The following ULK4 variants were observed in gnomAD, a reference collection of about 807,000 sequenced individuals.
ULK4 encodes unc-51 like kinase 4.
Under a neutral mutation model 160.6 loss-of-function variants are expected in ULK4, and 133 were observed. The observed-to-expected ratio is 0.83, with a 90% CI of 0.72 to 0.96. The LOEUF (loss-of-function observed/expected upper bound fraction) is 0.96, where lower values mean the gene tolerates loss of function less well. ULK4 is among the 40% of genes least tolerant of loss of function. ULK4 has a pLI of 0.00. For synonymous variants in ULK4, 534 were observed against 539.8 expected, an observed-to-expected ratio of 0.99 and a Z score of 0.15; for missense variants, 1,580 against 1,499.5, an observed-to-expected ratio of 1.05 and a Z score of -0.89.
chr3:41,783,500 C>T (rs572789385), intron 21 of ULK4, among the ~76,000 whole-genome samples: 8 of 151,380 alleles, frequency 5.3e-5, no homozygotes, highest in African/African-American at 1.7e-4. Context: ...CATGCCACTA[C>T]GCTCCAGCCT....
In ULK4 at chr3:41,581,611, A is replaced by G. The variant is rs541526238; in HGVS notation, c.3121-15481T>C. On this transcript the variant is annotated intron_variant, in intron 31 of 36. Coordinates refer to ENST00000301831, the MANE Select transcript of ULK4 (RefSeq NM_017886.4). ...ACAATTGAATGTCATTTCTTTGACA[A>G]TCTATATGAACAGCAGGCTAGGCCA... 2.1e-3 allele frequency among the ~76,000 whole-genome samples: 313 copies of G among 152,336 alleles called. 3 individuals carry two copies. The highest frequency in any genetic ancestry group is 0.01 in the South Asian group (49 of 4,826).
At chr3:41,521,256 T>A (rs1314460943) in intron 32 of ULK4, among the ~76,000 whole-genome samples, 1 of 152,164 alleles carries the variant, frequency 6.6e-6, no homozygotes, top group Non-Finnish European at 1.5e-5. Flanking sequence ...CAGTCCTCTG[T>A]CAGTAGGTTC....
intron 17 of ULK4, among the ~76,000 whole-genome samples, chr3:41,866,246 T>C (rs981158702): frequency 6.6e-6 from 1 of 152,252 alleles, no homozygotes; most frequent in African/African-American, 2.4e-5. Flanking sequence ...TTATCGTTCA[T>C]GCTGTGTTGC....
intron 32 of ULK4, among the ~76,000 whole-genome samples, chr3:41,548,877 A>G (rs2086963857): frequency 6.6e-6 from 1 of 152,080 alleles, no homozygotes; most frequent in South Asian, 2.1e-4. Flanking sequence ...AAATATCACC[A>G]TTGCCTCCAT....
chr3:41,844,125 G>C (rs1237083008), intron 17 of ULK4, among the ~76,000 whole-genome samples: 1 of 152,208 alleles, frequency 6.6e-6, no homozygotes, highest in Non-Finnish European at 1.5e-5. Flanking sequence ...TCCCCCACCG[G>C]GGCCGCAGGT....
chr3:41,543,147 T>G (rs1292582825), intron 32 of ULK4, among the ~76,000 whole-genome samples: 5 of 152,142 alleles, frequency 3.3e-5, no homozygotes, highest in African/African-American at 1.2e-4. Flanking sequence ...GATCAGTGAC[T>G]GCTAGGTGCC....
At chr3:41,854,908 T>C (rs951515107) in intron 17 of ULK4, 1 of 135,698 alleles carries the variant, frequency 7.4e-6, no homozygotes, top group Non-Finnish European at 1.5e-5. Flanking sequence ...CCCAAATCCA[T>C]CTCACATCTG....
intron 35 of ULK4, among the ~76,000 whole-genome samples, chr3:41,330,027 T>G (rs529735495): frequency 2.0e-5 from 3 of 152,318 alleles, no homozygotes; most frequent in Admixed American, 6.5e-5. Flanking sequence ...CCTCTCTACA[T>G]AGTTAAACTT....
rs182254538 is a variant in ULK4, at chr3:41,346,394, T to C, written c.3678+51685A>G. On this transcript the variant is annotated intron_variant, in intron 35 of 36. Coordinates refer to ENST00000301831, the MANE Select transcript of ULK4 (RefSeq NM_017886.4). ...TATTTGTCTCACAAGGAACCCTAGG[T>C]TTCCTCTTCAACAATATCAATGCTA... 1.4e-4 allele frequency among the ~76,000 whole-genome samples: 21 copies of C among 152,288 alleles called. No homozygotes were observed. In the East Asian group the frequency reaches 3.5e-3, roughly 25 times the overall value.
rs552081707 is a variant in ULK4 at position 41,615,442 on chromosome 3, T to C, written c.3120+227A>G. Among the ~76,000 whole-genome samples, 27 of 152,272 alleles carry C rather than the reference T, an allele frequency of 1.8e-4. 1 individual carries two copies. In the South Asian group the frequency reaches 3.3e-3, roughly 19 times the overall value. ...TACAACAGAGCTAAAATTTAAAAGA[T>C]TTGTGGAAAGAAGGCAGTCATTAGC... On this transcript the variant is annotated intron_variant, in intron 31 of 36. Transcript: ENST00000301831.
intron 35 of ULK4, among the ~76,000 whole-genome samples, chr3:41,320,529 G>A (rs959967): frequency 0.18 from 26,877 of 152,026 alleles, 3,039 homozygotes; most frequent in African/African-American, 0.32. Flanking sequence ...GGCTGGCCAC[G>A]GGGAACAACT....
intron 36 of ULK4, among the ~76,000 whole-genome samples, chr3:41,247,857 A>G (rs971793019): frequency 7.9e-5 from 12 of 152,348 alleles, no homozygotes; most frequent in Admixed American, 2.0e-4. Flanking sequence ...AACTGAGAAC[A>G]ATGCCATCCA....
At chr3:41,677,321 A>G (rs2035755520) in intron 29 of ULK4, among the ~76,000 whole-genome samples, 1 of 151,188 alleles carries the variant, frequency 6.6e-6, no homozygotes, top group East Asian at 2.0e-4. Context: ...CAAATACTTT[A>G]AAGTTCATTC....
At chr3:41,691,943 CTTTTTTTTTTTTTT>C (rs751734628) in intron 27 of ULK4, among the ~76,000 whole-genome samples, 1 of 96,352 alleles carries the variant, frequency 1.0e-5, no homozygotes, top group African/African-American at 5.7e-5. Context: ...CAAATCACTT[CTTTTTTTTTTTTTT>C]TTTTTTTTTT....
chr3:41,881,256 G>C (rs913397797), intron 17 of ULK4, among the ~76,000 whole-genome samples: 2 of 141,100 alleles, frequency 1.4e-5, no homozygotes, highest in Non-Finnish European at 3.0e-5. Context: ...CAGTGGAATG[G>C]AGCCACACAT....
chr3:41,326,693 T>C (rs1240556969), intron 35 of ULK4, among the ~76,000 whole-genome samples: 1 of 152,200 alleles, frequency 6.6e-6, no homozygotes, highest in East Asian at 1.9e-4. Context: ...CTGTTTCTAA[T>C]GGTTTCTTCC....
At chr3:41,842,653 A>G (rs759853498) in intron 17 of ULK4, among the ~76,000 whole-genome samples, 1 of 152,194 alleles carries the variant, frequency 6.6e-6, no homozygotes, top group South Asian at 2.1e-4. Context: ...ACCTTCTGCC[A>G]TGAGTGGAAA....
chr3:41,915,793 C>T (rs183122682), intron 8 of ULK4, among the ~76,000 whole-genome samples, 184 bp downstream of exon 8: 375 of 152,064 alleles, frequency 2.5e-3, no homozygotes, highest in African/African-American at 8.1e-3. Flanking sequence ...ACTTTTAATC[C>T]GAAGTCAGAC....
intron 23 of ULK4, 27 bp from the exon 24 acceptor site, chr3:41,715,595 T>C: frequency 6.2e-7 from 1 of 1,613,668 alleles, no homozygotes; most frequent in Non-Finnish European, 8.5e-7. Context: ...AGAGCATATG[T>C]GGAGGTTAAA....
Sources: allele counts gnomAD v4.1 joint callset (sites outside exome capture counted in the v4.1 genomes callset), GRCh38; gene constraint gnomAD v4.1.1; transcripts MANE v1.5; gene names NCBI Gene and HGNC (gene_info 2026-07-23, HGNC 2026-07-21).